The following DNAH9 variants were observed in gnomAD, a reference collection of about 807,000 sequenced individuals.
The protein encoded by DNAH9 is DNAH9 variant protein.
DNAH9 carries 345 observed loss-of-function variants against 471.6 expected under a neutral mutation model. The observed-to-expected ratio is 0.73, with a 90% CI of 0.67 to 0.80. DNAH9 has a LOEUF of 0.80. Ranked by LOEUF, DNAH9 falls within the 30% of genes least tolerant of loss-of-function variation. The pLI, the probability that DNAH9 is intolerant of heterozygous loss-of-function variation, is 0.00. For synonymous variants in DNAH9, 2,093 were observed against 2,123.6 expected (o/e 0.99, Z 0.40); for missense variants, 5,407 against 5,609.2 (o/e 0.96, Z 1.15).
chr17:11,649,161 T>G (rs1158318968), intron 12 of DNAH9, among the ~76,000 whole-genome samples: 1 of 152,038 alleles, frequency 6.6e-6, no homozygotes, highest in African/African-American at 2.4e-5. Context: ...AGTAACACAC[T>G]TATCTTATTA....
intron 43 of DNAH9, among the ~76,000 whole-genome samples, chr17:11,798,732 T>G (rs1969347018): frequency 6.6e-6 from 1 of 152,100 alleles, no homozygotes; most frequent in South Asian, 2.1e-4. Flanking sequence ...TCATTTCAAC[T>G]TCTTTGAACT....
At chr17:11,826,730 G>A (rs1216789205) in intron 48 of DNAH9, among the ~76,000 whole-genome samples, 2 of 151,422 alleles carry the variant, frequency 1.3e-5, no homozygotes, top group East Asian at 3.9e-4. Flanking sequence ...CCAAAGTGCT[G>A]GGATTACAAG....
intron 39 of DNAH9, 147 bp downstream of exon 39, chr17:11,781,321 C>A: frequency 2.4e-6 from 2 of 847,024 alleles, no homozygotes; most frequent in Non-Finnish European, 3.4e-6. Context: ...ATTTCTCATT[C>A]AATTCTCTAT....
rs1206138738 is a variant in DNAH9, at chr17:11,719,356, T to A, written c.5575T>A (p.Ser1859Thr). The change falls in exon 27 of 69, where the codon TCC (serine) becomes ACC (threonine). Residue 1859 changes from serine (S) to threonine (T), a missense_variant. Around this residue, in one of 3 missense-constraint regions of DNAH9, gnomAD observed 4,636 missense variants for 4,900.3 expected, o/e 0.95. Coordinates refer to ENST00000262442, the MANE Select transcript of DNAH9 (RefSeq NM_001372.4). Reference protein sequence around the residue: ...TDRCYITLTQSLHLTMSGAPA... With the variant: ...TDRCYITLTQTLHLTMSGAPA... ...CAGGTGCTACATCACCCTCACCCAG[T>A]CCCTGCACCTGACCATGAGTGGGGC... 8 of 1,613,880 alleles carry A rather than the reference T, an allele frequency of 5.0e-6. No individual in the cohort carries two copies. The highest frequency in any genetic ancestry group is 6.8e-6 in the Non-Finnish European group (8 of 1,179,998).
chr17:11,613,320 T>A (rs34749455), intron 4 of DNAH9, among the ~76,000 whole-genome samples: 13,194 of 151,972 alleles, frequency 0.087, 1,045 homozygotes, highest in African/African-American at 0.2. Flanking sequence ...GAAAGTTTTT[T>A]AAAAAAAATA....
At chr17:11,738,603 A>G (rs1277390537) in intron 28 of DNAH9, among the ~76,000 whole-genome samples, 1 of 151,162 alleles carries the variant, frequency 6.6e-6, no homozygotes, top group Non-Finnish European at 1.5e-5. Flanking sequence ...CTAGTCTTGA[A>G]CTCTTGACCT....
At position 11,702,136 on chromosome 17, in the gene DNAH9, A is replaced by G. The variant is rs1346447347; in HGVS notation, c.5151+889A>G. 3.9e-5 allele frequency among the ~76,000 whole-genome samples: 6 copies of G among 152,254 alleles called. No individual in the cohort carries two copies. In the East Asian group the frequency reaches 1.2e-3, roughly 29 times the overall value. On this transcript the variant is annotated intron_variant, in intron 24 of 68. Transcript: ENST00000262442. ...AAATGGGAGCAAAGAGCAACCAAGT[A>G]GGAGGAAGAGCCCAGGCTCAGAAGA...
chr17:11,726,561 A>G (rs2075155953), intron 27 of DNAH9, among the ~76,000 whole-genome samples: 1 of 152,086 alleles, frequency 6.6e-6, no homozygotes, highest in African/African-American at 2.4e-5. Flanking sequence ...AAAACTGATC[A>G]CTCAGGAGCA....
chr17:11,632,440 A>G (rs1303286325), intron 7 of DNAH9, 147 bp from the exon 8 acceptor site: 1 of 585,794 alleles, frequency 1.7e-6, no homozygotes, highest in Non-Finnish European at 3.1e-6. Context: ...CATGGCTAAA[A>G]ATTAAGTCAT....
At chr17:11,899,194 A>T (rs1973321484) in intron 59 of DNAH9, among the ~76,000 whole-genome samples, 1 of 151,976 alleles carries the variant, frequency 6.6e-6, no homozygotes, top group African/African-American at 2.4e-5. Context: ...AAAAAAAAAA[A>T]TTTAAGCATT....
chr17:11,624,891 A>G (rs2072942577), intron 6 of DNAH9, among the ~76,000 whole-genome samples: 1 of 152,220 alleles, frequency 6.6e-6, no homozygotes. Context: ...TAAGTTACTC[A>G]GGTACAATTA....
chr17:11,636,946 G>A (rs1336554756), intron 9 of DNAH9, among the ~76,000 whole-genome samples, 162 bp downstream of exon 9: 1 of 152,174 alleles, frequency 6.6e-6, no homozygotes, highest in African/African-American at 2.4e-5. Context: ...TTGGGTGACT[G>A]GGGAGCTCTC....
intron 34 of DNAH9, 91 bp downstream of exon 34, chr17:11,756,767 C>T (rs1053216872): frequency 1.2e-6 from 1 of 804,114 alleles, no homozygotes; most frequent in Admixed American, 2.0e-5. Flanking sequence ...CAGAAGGAAT[C>T]TCCACATGGG....
rs1972255507 is a variant in DNAH9, at chr17:11,871,401, GAC to G, written c.10054-193_10054-192del. Among the ~76,000 whole-genome samples, 3 of 152,228 alleles carry G rather than the reference GAC, an allele frequency of 2.0e-5. No individual in the cohort carries two copies. In the South Asian group the frequency reaches 6.2e-4, roughly 31 times the overall value. ...TCTTTCCATGGTTCATGTGATGCAT[GAC>G]ACAGAATGGGGGCTTGTGTACTGAA... On this transcript the variant is annotated intron_variant, in intron 51 of 68. Coordinates refer to ENST00000262442, the MANE Select transcript of DNAH9 (RefSeq NM_001372.4).
chr17:11,906,627 CAAA>C (rs61461731), intron 61 of DNAH9, among the ~76,000 whole-genome samples: 42 of 98,052 alleles, frequency 4.3e-4, no homozygotes, highest in East Asian at 1.3e-3. Context: ...GACTCTGTCT[CAAA>C]AAAAAAAAAA....
chr17:11,644,492 A>G (rs1428735375), intron 10 of DNAH9, 139 bp from the exon 11 acceptor site: 3 of 623,918 alleles, frequency 4.8e-6, no homozygotes, highest in Non-Finnish European at 8.1e-6. Flanking sequence ...GTTCGCGAAG[A>G]AGAAAGGCTC....
At chr17:11,871,083 G>C (rs777945555) in intron 51 of DNAH9, among the ~76,000 whole-genome samples, 2 of 152,072 alleles carry the variant, frequency 1.3e-5, no homozygotes, top group African/African-American at 2.4e-5. Flanking sequence ...AGGGCTGGGG[G>C]GTCAGGACTT....
chr17:11,860,457 C>T (rs1175843617), intron 50 of DNAH9, among the ~76,000 whole-genome samples: 2 of 152,134 alleles, frequency 1.3e-5, no homozygotes, highest in East Asian at 1.9e-4. Context: ...TCGTTTTATT[C>T]GTAAACTGAA....
chr17:11,920,638 AAAG>A (rs1974110713), intron 61 of DNAH9, among the ~76,000 whole-genome samples: 1 of 151,434 alleles, frequency 6.6e-6, no homozygotes, highest in East Asian at 2.0e-4. Context: ...AAAAAAAAGA[AAAG>A]AAAAAAGAAA....
Sources: gnomAD v4.1 joint callset for allele counts (sites outside exome capture counted in the v4.1 genomes callset) on GRCh38, gnomAD v4.1.1 for gene constraint, gnomAD v4.1.1 regional missense constraint, MANE v1.5 for transcripts, NCBI Gene and HGNC (gene_info 2026-07-23, HGNC 2026-07-21) for gene names.